FAM91A1: variants seen among roughly 807,000 people sequenced by gnomAD.
The protein encoded by FAM91A1 is family with sequence similarity 91 member A1, also known as protein FAM91A1.
A neutral mutation model predicts 113.5 loss-of-function variants in FAM91A1; 41 were observed. The ratio of observed to expected loss-of-function variants is 0.36; its 90% CI spans 0.28 to 0.47. The LOEUF (loss-of-function observed/expected upper bound fraction) is 0.47, where lower values mean the gene tolerates loss of function less well. FAM91A1 is among the 20% of genes least tolerant of loss of function. The probability of loss-of-function intolerance (pLI) is 1.00; values close to 1 mark genes in which losing one functional copy is unlikely to be tolerated. For synonymous variants in FAM91A1, 307 were observed against 347.9 expected (o/e 0.88, Z 1.31); for missense variants, 696 against 1,001.2 (o/e 0.70, Z 4.11).
chr8:123,785,567 A>G, intron 10 of FAM91A1, 62 bp from the exon 11 acceptor site: 2 of 1,134,858 alleles, frequency 1.8e-6, no homozygotes, highest in Non-Finnish European at 2.6e-6. Flanking sequence ...TTTTTTCTCT[A>G]CAAATATTGT....
intron 15 of FAM91A1, among the ~76,000 whole-genome samples, chr8:123,796,679 G>A (rs6985701): frequency 0.067 from 10,156 of 150,886 alleles, 577 homozygotes; most frequent in African/African-American, 0.15. Flanking sequence ...GGATGGTCTC[G>A]ATCTCCTGAC....
Position 123,775,198 on chromosome 8 carries a change from A to G in FAM91A1, c.209A>G (p.Tyr70Cys). The change falls in exon 3 of 24, where the codon TAC (tyrosine) becomes TGC (cysteine). Residue 70 changes from tyrosine (Y) to cysteine (C), a missense_variant. Tyr to Cys is a radical substitution (Grantham distance 194). Coordinates refer to ENST00000334705, the MANE Select transcript of FAM91A1 (RefSeq NM_144963.4). ...ERRYYEELLK[Y>C]SRDHLMLYPY... ...AGATACTATGAGGAACTGCTAAAGTACAGCCGAGATCATCTCATGCTGTAC... is the reference window on the plus strand; with the variant it reads ...AGATACTATGAGGAACTGCTAAAGTGCAGCCGAGATCATCTCATGCTGTAC... 6.2e-7 allele frequency: 1 copy of G among 1,613,680 alleles called. No homozygotes were observed. The highest frequency in any genetic ancestry group is 8.5e-7 in the Non-Finnish European group (1 of 1,179,816).
chr8:123,768,454 G>A lies in FAM91A1; in HGVS notation c.-249G>A, dbSNP rs558813877. ...ACGTGTGCCCAGAGCCATTTCCGGC[G>A]GCCCGAAACTAGGAAGAAACTTGGA... On this transcript the variant is annotated 5_prime_UTR_variant, in exon 1 of 24. Transcript: ENST00000334705. 27 of 422,046 alleles carry A rather than the reference G, an allele frequency of 6.4e-5. No individual in the cohort carries two copies. Among genetic ancestry groups the A allele is most frequent in the African/African-American group, 4.8e-4 (23 of 47,730 alleles). 26.1% of individuals were successfully genotyped at this position (422,046 alleles called of 1,614,324 possible). A position where few individuals can be genotyped will look rare whatever the true frequency, so the allele number is the denominator to read the frequency against.
rs942573682 is a variant in FAM91A1 at position 123,806,291 on chromosome 8, A to G, written c.2032+62A>G. On this transcript the variant is annotated intron_variant, in intron 20 of 23. Coordinates refer to ENST00000334705, the MANE Select transcript of FAM91A1 (RefSeq NM_144963.4). ...TGGTTTTGAGTTTGACACAGTGTTA[A>G]TATATGAAAAGCAGCAGACCTTTGT... The G allele has an allele frequency of 1.2e-5, 18 of 1,497,068 alleles. No individual in the cohort carries two copies. The African/African-American group carries it at 2.5e-4, about 21-fold the overall frequency. The allele number at this position is 1,497,068 out of a possible 1,614,324, so 92.7% of individuals were successfully genotyped here.
At chr8:123,782,274 C>T (rs765918657) in intron 8 of FAM91A1, among the ~76,000 whole-genome samples, 11 of 152,126 alleles carry the variant, frequency 7.2e-5, no homozygotes, top group Non-Finnish European at 1.6e-4. Context: ...CTAAACTTAC[C>T]CTTGTCACCA....
chr8:123,778,947 A>G (rs1198132662), intron 6 of FAM91A1, among the ~76,000 whole-genome samples, 175 bp downstream of exon 6: 1 of 152,122 alleles, frequency 6.6e-6, no homozygotes, highest in Non-Finnish European at 1.5e-5. Context: ...TTTTTGAGAT[A>G]CTCTTTAATG....
chr8:123,772,779 C>G (rs973290845), intron 1 of FAM91A1, among the ~76,000 whole-genome samples: 1 of 152,114 alleles, frequency 6.6e-6, no homozygotes, highest in African/African-American at 2.4e-5. Context: ...AAGCCTCGGC[C>G]ATAACACAGT....
chr8:123,768,820 C>T (rs771950097), intron 1 of FAM91A1, 46 bp downstream of exon 1: 5 of 1,576,584 alleles, frequency 3.2e-6, no homozygotes, highest in African/African-American at 2.7e-5. Flanking sequence ...TTCGGCCCGC[C>T]CAGCGGTCAC....
chr8:123,795,005 T>A (rs1815477031), intron 15 of FAM91A1, among the ~76,000 whole-genome samples: 1 of 152,210 alleles, frequency 6.6e-6, no homozygotes, highest in Non-Finnish European at 1.5e-5. Context: ...TTTTCTCATA[T>A]TGAAAATGCA....
intron 8 of FAM91A1, among the ~76,000 whole-genome samples, chr8:123,781,607 A>T (rs1815125101): frequency 6.6e-6 from 1 of 151,090 alleles, no homozygotes; most frequent in Admixed American, 6.6e-5. Flanking sequence ...TCTCCCGAAT[A>T]GCTGGGATTA....
In FAM91A1 at chr8:123,795,016, G is replaced by A. The variant is rs10094050; in HGVS notation, c.1412-3074G>A. 1.2e-4 allele frequency among the ~76,000 whole-genome samples: 18 copies of A among 152,306 alleles called. 1 individual carries two copies. Among genetic ancestry groups the A allele is most frequent in the African/African-American group, 4.3e-4 (18 of 41,580 alleles). On this transcript the variant is annotated intron_variant, in intron 15 of 23. Coordinates refer to ENST00000334705, the MANE Select transcript of FAM91A1 (RefSeq NM_144963.4). ...TTCTTTTTCTCATATTGAAAATGCA[G>A]CTTTTATGTGGGTGCAGGATTACTA...
At position 123,813,933 on chromosome 8, in the gene FAM91A1, G is replaced by A. The variant is rs986667052; in HGVS notation, c.*1229G>A. On this transcript the variant is annotated 3_prime_UTR_variant, in exon 24 of 24. Transcript: ENST00000334705. Reference sequence around the variant, plus strand: ...AACACTTAAAATGTTAGGAAGTTTGGGAATGTTATAACCTAAACGTTTTTG... The same window carrying A: ...AACACTTAAAATGTTAGGAAGTTTGAGAATGTTATAACCTAAACGTTTTTG... 2 of 211,970 alleles carry A rather than the reference G, an allele frequency of 9.4e-6. No homozygotes were observed. The highest frequency in any genetic ancestry group is 1.2e-4 in the South Asian group (2 of 16,632). 13.1% of individuals were successfully genotyped at this position (211,970 alleles called of 1,614,324 possible).
intron 15 of FAM91A1, among the ~76,000 whole-genome samples, chr8:123,793,639 C>T (rs911450193): frequency 6.6e-6 from 1 of 152,118 alleles, no homozygotes; most frequent in Non-Finnish European, 1.5e-5. Context: ...ACTTTCTGGC[C>T]AAGCAATAGC....
chr8:123,800,525 G>A (rs1815647606), intron 18 of FAM91A1, among the ~76,000 whole-genome samples: 1 of 152,134 alleles, frequency 6.6e-6, no homozygotes, highest in Non-Finnish European at 1.5e-5. Context: ...TTCACATACT[G>A]TACAATTCAC....
At chr8:123,769,773 A>G (rs1357762140) in intron 1 of FAM91A1, among the ~76,000 whole-genome samples, 1 of 152,202 alleles carries the variant, frequency 6.6e-6, no homozygotes, top group Non-Finnish European at 1.5e-5. Context: ...AAGTCTTACG[A>G]AAGTAGTGAT....
Position 123,774,176 on chromosome 8 carries a change from C to T in FAM91A1, c.157+12C>T. 1.9e-6 allele frequency: 3 copies of T among 1,596,644 alleles called. No homozygotes were observed. Among genetic ancestry groups the T allele is most frequent in the Non-Finnish European group, 2.6e-6 (3 of 1,170,696 alleles). ...TAGAAATAACTTAGGTAAGTAGAGC[C>T]ATGTTTATATTGGGGTGGAACTGAC... is the stretch of plus-strand genomic sequence containing the variant. On this transcript the variant is annotated intron_variant, in intron 2 of 23. Coordinates refer to ENST00000334705, the MANE Select transcript of FAM91A1 (RefSeq NM_144963.4).
At chr8:123,782,191 A>T (rs1013065635) in intron 8 of FAM91A1, among the ~76,000 whole-genome samples, 2 of 152,174 alleles carry the variant, frequency 1.3e-5, no homozygotes, top group African/African-American at 4.8e-5. Flanking sequence ...CATTACATTG[A>T]TGTGTTCTAC....
At chr8:123,781,919 C>T (rs1056300606) in intron 8 of FAM91A1, among the ~76,000 whole-genome samples, 6 of 152,158 alleles carry the variant, frequency 3.9e-5, no homozygotes, top group African/African-American at 1.2e-4. Context: ...TTTCTGAAGA[C>T]AGAGGTGGCC....
chr8:123,782,231 G>A (rs890845685), intron 8 of FAM91A1, among the ~76,000 whole-genome samples: 1 of 152,118 alleles, frequency 6.6e-6, no homozygotes, highest in Non-Finnish European at 1.5e-5. Flanking sequence ...GCTGGTATTT[G>A]GTGGTACAGA....
Sources: gnomAD v4.1 joint callset for allele counts (sites outside exome capture counted in the v4.1 genomes callset) on GRCh38, gnomAD v4.1.1 for gene constraint, MANE v1.5 for transcripts, NCBI Gene and HGNC (gene_info 2026-07-23, HGNC 2026-07-21) for gene names.